Variants in CAMK4 observed in about 807,000 individuals in gnomAD.
CAMK4 encodes the protein calcium/calmodulin-dependent protein kinase type IV.
A neutral mutation model predicts 44.9 loss-of-function variants in CAMK4; 22 were observed. The ratio of observed to expected loss-of-function variants is 0.49; its 90% CI spans 0.35 to 0.70. CAMK4 has a LOEUF of 0.70. Ranked by LOEUF, CAMK4 falls within the 30% of genes least tolerant of loss-of-function variation. The probability of loss-of-function intolerance (pLI) is 0.01; values close to 1 mark genes in which losing one functional copy is unlikely to be tolerated. For missense variants in CAMK4, 498 were observed against 586.8 expected (o/e 0.85, Z 1.56); for synonymous variants, 218 against 215.4 (o/e 1.01, Z -0.11).
intron 1 of CAMK4, among the ~76,000 whole-genome samples, chr5:111,232,268 A>G (rs1182724488): frequency 6.6e-6 from 1 of 152,184 alleles, no homozygotes; most frequent in African/African-American, 2.4e-5. Context: ...TAAATTAATG[A>G]ATAAGTAAAA....
intron 1 of CAMK4, among the ~76,000 whole-genome samples, chr5:111,317,930 G>GAAAAAAAAAAAAAAAAAAAAAAAAAA (rs1748501495): frequency 5.6e-5 from 4 of 71,670 alleles, no homozygotes; most frequent in Admixed American, 1.5e-4. Context: ...AAAAAAAAAG[G>GAAAAAAAAAAAAAAAAAAAAAAAAAA]AAAACAGGAT....
At chr5:111,252,235 C>T (rs1749533346) in intron 1 of CAMK4, among the ~76,000 whole-genome samples, 1 of 152,190 alleles carries the variant, frequency 6.6e-6, no homozygotes, top group South Asian at 2.1e-4. Context: ...GTCTTGGCTT[C>T]TTCAGCTGAC....
intron 5 of CAMK4, among the ~76,000 whole-genome samples, chr5:111,438,960 A>G (rs1056550584): frequency 1.3e-5 from 2 of 152,210 alleles, no homozygotes; most frequent in African/African-American, 4.8e-5. Context: ...TGGGGTCTGC[A>G]TCCCACCTGA....
intron 1 of CAMK4, among the ~76,000 whole-genome samples, chr5:111,246,951 CATT>C (rs1424346568): frequency 2.0e-5 from 3 of 152,104 alleles, no homozygotes; most frequent in Admixed American, 6.6e-5. Flanking sequence ...CCTGGTATCT[CATT>C]ATAGTTATGA....
At chr5:111,380,329 T>A (rs905552687) in intron 4 of CAMK4, among the ~76,000 whole-genome samples, 2 of 152,140 alleles carry the variant, frequency 1.3e-5, no homozygotes, top group African/African-American at 4.8e-5. Context: ...TTTTTTTGTT[T>A]TATCACTTTT....
intron 1 of CAMK4, among the ~76,000 whole-genome samples, chr5:111,283,700 A>C (rs1751115753): frequency 6.6e-6 from 1 of 152,188 alleles, no homozygotes; most frequent in Non-Finnish European, 1.5e-5. Context: ...TGCCATCAAC[A>C]ATAACCTTTT....
In CAMK4 at chr5:111,493,826, A is replaced by G. The variant is rs1019924045; in HGVS notation, c.*9360A>G. 1 of 152,194 alleles carries G rather than the reference A, an allele frequency of 6.6e-6. No homozygotes were observed. The highest frequency in any genetic ancestry group is 2.4e-5 in the African/African-American group (1 of 41,436). The allele number at this position is 152,194 out of a possible 1,614,324, so 9.4% of individuals were successfully genotyped here. On this transcript the variant is annotated 3_prime_UTR_variant, in exon 11 of 11. Transcript: ENST00000282356. This position sits in a 1 kb window ranked among gnomAD's most constrained non-coding sequence, Gnocchi z 4.1. ...TTGTCTTGCCTCTTTATTTCAGATA[A>G]TGCCTGTGATTAGTGAATGGCGGCA... is the stretch of plus-strand genomic sequence containing the variant.
chr5:111,240,884 C>T (rs1421151574), intron 1 of CAMK4, among the ~76,000 whole-genome samples: 2 of 152,098 alleles, frequency 1.3e-5, no homozygotes, highest in Non-Finnish European at 2.9e-5. Flanking sequence ...TTAATAGAAC[C>T]CCCAGTGGCA....
intron 1 of CAMK4, among the ~76,000 whole-genome samples, chr5:111,247,430 T>C (rs545399850): frequency 1.3e-5 from 2 of 148,156 alleles, no homozygotes; most frequent in South Asian, 2.1e-4. Flanking sequence ...TTTATACTTA[T>C]AGATACATAA....
At chr5:111,318,453 G>A (rs1036702499) in intron 1 of CAMK4, among the ~76,000 whole-genome samples, 7 of 152,304 alleles carry the variant, frequency 4.6e-5, no homozygotes, top group South Asian at 2.1e-4. Context: ...TAGCCATGTG[G>A]AACAGTTGTT....
chr5:111,358,959 T>G (rs555161068), intron 2 of CAMK4, among the ~76,000 whole-genome samples: 1 of 152,196 alleles, frequency 6.6e-6, no homozygotes, highest in Non-Finnish European at 1.5e-5. Context: ...TACCACATTT[T>G]CTTTATTCAG....
intron 1 of CAMK4, among the ~76,000 whole-genome samples, chr5:111,324,685 A>G (rs1314468392): frequency 1.3e-5 from 2 of 152,102 alleles, no homozygotes; most frequent in Non-Finnish European, 2.9e-5. Context: ...AATATTACCA[A>G]TCACCTTGAC....
intron 5 of CAMK4, 70 bp downstream of exon 5, chr5:111,394,852 A>G: frequency 1.0e-6 from 1 of 976,474 alleles, no homozygotes. Flanking sequence ...ATCATTTAAG[A>G]AATGCGCATC....
chr5:111,243,824 C>A (rs1439703945), intron 1 of CAMK4, among the ~76,000 whole-genome samples: 2 of 152,212 alleles, frequency 1.3e-5, no homozygotes, highest in African/African-American at 4.8e-5. Flanking sequence ...GATATTGTGA[C>A]TGTATCTTGT....
At chr5:111,282,524 G>T (rs1013814899) in intron 1 of CAMK4, among the ~76,000 whole-genome samples, 1 of 151,932 alleles carries the variant, frequency 6.6e-6, no homozygotes, top group Non-Finnish European at 1.5e-5. Context: ...CCTTAATTCC[G>T]AATTTTTTAC....
chr5:111,229,095 A>T (rs1748337937), intron 1 of CAMK4, among the ~76,000 whole-genome samples: 1 of 152,228 alleles, frequency 6.6e-6, no homozygotes, highest in African/African-American at 2.4e-5. Flanking sequence ...TTCTAAGAGA[A>T]GGGCTTCAGC....
intron 1 of CAMK4, among the ~76,000 whole-genome samples, chr5:111,267,438 C>T (rs1383608431): frequency 1.3e-5 from 2 of 152,010 alleles, no homozygotes; most frequent in Admixed American, 6.5e-5. Context: ...CATTCTGGGC[C>T]GGGCGCGGTG....
chr5:111,418,459 T>G (rs1315946415), intron 5 of CAMK4, among the ~76,000 whole-genome samples: 1 of 151,768 alleles, frequency 6.6e-6, no homozygotes, highest in Admixed American at 6.6e-5. Context: ...TTTTTTTATA[T>G]ACTTTAAGTT....
At chr5:111,312,070 T>A (rs1011739318) in intron 1 of CAMK4, among the ~76,000 whole-genome samples, 24 of 152,200 alleles carry the variant, frequency 1.6e-4, no homozygotes, top group Non-Finnish European at 2.5e-4. Context: ...AATTCTTGAT[T>A]TTCTAGTTAT....
Sources: gnomAD v4.1 joint callset for allele counts (sites outside exome capture counted in the v4.1 genomes callset) on GRCh38, gnomAD v4.1.1 for gene constraint, Gnocchi (gnomAD v3.1) non-coding constraint, MANE v1.5 for transcripts, NCBI Gene and HGNC (gene_info 2026-07-23, HGNC 2026-07-21) for gene names.